The following STXBP5L variants were observed in gnomAD, a reference collection of about 807,000 sequenced individuals.
STXBP5L encodes syntaxin-binding protein 5-like.
A neutral mutation model predicts 144.5 loss-of-function variants in STXBP5L; 65 were observed. The ratio of observed to expected loss-of-function variants is 0.45; its 90% confidence interval spans 0.37 to 0.55. The LOEUF is 0.55. STXBP5L is among the 20% of genes least tolerant of loss of function. STXBP5L has a pLI of 0.00. For missense variants in STXBP5L, 1,298 were observed against 1,405.5 expected, an observed-to-expected ratio of 0.92 and a Z score of 1.22; for synonymous variants, 505 against 469.6, an observed-to-expected ratio of 1.08 and a Z score of -0.97.
At chr3:121,100,853 T>G (rs1013682046) in intron 5 of STXBP5L, among the ~76,000 whole-genome samples, 1 of 148,092 alleles carries the variant, frequency 6.8e-6, no homozygotes, top group Admixed American at 6.8e-5. Flanking sequence ...CTAGCTAGAT[T>G]AACAAAGAAA....
intron 9 of STXBP5L, among the ~76,000 whole-genome samples, chr3:121,182,778 G>A (rs1056672707): frequency 6.6e-6 from 1 of 152,072 alleles, no homozygotes; most frequent in Non-Finnish European, 1.5e-5. Context: ...ACAAGAGAGA[G>A]CATCCAAACA....
chr3:121,201,282 C>T (rs953170166), intron 9 of STXBP5L, among the ~76,000 whole-genome samples: 10 of 152,056 alleles, frequency 6.6e-5, no homozygotes, highest in African/African-American at 2.4e-4. Flanking sequence ...CCTTCTTTTC[C>T]TTTTTTGATC....
At chr3:121,004,185 T>G (rs1441817546) in intron 3 of STXBP5L, among the ~76,000 whole-genome samples, 2 of 152,232 alleles carry the variant, frequency 1.3e-5, no homozygotes, top group Non-Finnish European at 2.9e-5. Context: ...CCCATGATCA[T>G]GGAATGTTCT....
chr3:120,985,799 G>A (rs573413150), intron 3 of STXBP5L, among the ~76,000 whole-genome samples: 3 of 151,760 alleles, frequency 2.0e-5, no homozygotes, highest in East Asian at 1.9e-4. Flanking sequence ...AGTAATTTGA[G>A]TCTTCTCTTT....
chr3:120,975,263 C>A (rs146413940), intron 3 of STXBP5L, among the ~76,000 whole-genome samples: 1 of 152,050 alleles, frequency 6.6e-6, no homozygotes, highest in African/African-American at 2.4e-5. Flanking sequence ...CTTCACGTCC[C>A]TTGTAAGTTG....
chr3:121,103,306 T>A (rs1051231569), intron 5 of STXBP5L, among the ~76,000 whole-genome samples: 1 of 152,010 alleles, frequency 6.6e-6, no homozygotes, highest in Non-Finnish European at 1.5e-5. Flanking sequence ...CCCTTGACAG[T>A]GGATTGGAGG....
intron 2 of STXBP5L, among the ~76,000 whole-genome samples, chr3:120,922,126 G>A (rs76112072): frequency 0.01 from 1,580 of 151,730 alleles, 11 homozygotes; most frequent in Middle Eastern, 0.017. Context: ...TTGTGTCCTC[G>A]TCAATTCCTT....
chr3:121,407,112 C>T, intron 22 of STXBP5L, 131 bp from the exon 23 acceptor site: 1 of 1,151,460 alleles, frequency 8.7e-7, no homozygotes, highest in Non-Finnish European at 1.2e-6. Flanking sequence ...GCTCACAAAT[C>T]TACAAATTCA....
chr3:121,024,007 C>G (rs1377661895), intron 3 of STXBP5L, among the ~76,000 whole-genome samples: 1 of 152,090 alleles, frequency 6.6e-6, no homozygotes, highest in Non-Finnish European at 1.5e-5. Context: ...ATACGCCCGC[C>G]TTGGCCTCCC....
intron 10 of STXBP5L, among the ~76,000 whole-genome samples, chr3:121,213,990 G>C (rs1157668475): frequency 6.6e-6 from 1 of 152,102 alleles, no homozygotes; most frequent in African/African-American, 2.4e-5. Context: ...TAATTTATTT[G>C]CATAGAGGTG....
chr3:121,192,186 CAGAG>C (rs1026116809), intron 9 of STXBP5L, among the ~76,000 whole-genome samples: 2 of 152,098 alleles, frequency 1.3e-5, no homozygotes, highest in African/African-American at 4.8e-5. Flanking sequence ...CAATAACAGA[CAGAG>C]AGCCAAATTA....
At chr3:121,314,398 C>T (rs1231098799) in intron 19 of STXBP5L, among the ~76,000 whole-genome samples, 2 of 130,672 alleles carry the variant, frequency 1.5e-5, no homozygotes, top group African/African-American at 5.9e-5. Flanking sequence ...TGGAGACCAG[C>T]CCGGCCAACA....
chr3:121,099,146 G>A (rs544174868), intron 5 of STXBP5L: 3 of 152,244 alleles, frequency 2.0e-5, no homozygotes, highest in East Asian at 1.9e-4. Flanking sequence ...TCCTTACCAG[G>A]GAACCAATCT....
intron 3 of STXBP5L, among the ~76,000 whole-genome samples, chr3:121,016,416 A>C (rs547297076): frequency 5.5e-4 from 84 of 152,356 alleles, no homozygotes; most frequent in Middle Eastern, 3.4e-3. Context: ...TGGAAACTCT[A>C]AGATTCAAAA....
In STXBP5L at chr3:120,934,193, T is replaced by C. The variant is rs554434029; in HGVS notation, c.190-20747T>C. 3.3e-5 allele frequency among the ~76,000 whole-genome samples: 5 copies of C among 151,890 alleles called. No individual in the cohort carries two copies. The East Asian group carries it at 9.7e-4, about 29-fold the overall frequency. ...ATTAAGAATAATTTCTGGTGCTAAA[T>C]TGTCTTGAGGCATGTTAAGATTTCA... is the stretch of plus-strand genomic sequence containing the variant. On this transcript the variant is annotated intron_variant, in intron 2 of 26. Transcript: ENST00000471454.
At chr3:121,204,587 A>T (rs950274997) in intron 9 of STXBP5L, among the ~76,000 whole-genome samples, 1 of 152,166 alleles carries the variant, frequency 6.6e-6, no homozygotes, top group Non-Finnish European at 1.5e-5. Context: ...AGCTATATGC[A>T]TGTAAACTTC....
At position 121,157,585 on chromosome 3, in the gene STXBP5L, C is replaced by T; in HGVS notation, c.835C>T (p.Leu279=). 1 of 1,606,046 alleles carries T rather than the reference C, an allele frequency of 6.2e-7. No individual in the cohort carries two copies. The highest frequency in any genetic ancestry group is 2.3e-5 in the East Asian group (1 of 44,270). The part of the protein sequence containing the change: ...HSDGSLTLWN[L]KSPSRPFQTT... ...AGATGGTAGTTTGACTTTATGGAAC[C>T]TGAAAAGCCCAAGTCGCCCTTTCCA... Residue 279 remains leucine (L), a synonymous_variant, in exon 9 of 27, where the codon CTG becomes TTG. Transcript: ENST00000471454.
chr3:120,927,926 G>C (rs954891635), intron 2 of STXBP5L, among the ~76,000 whole-genome samples: 1 of 152,068 alleles, frequency 6.6e-6, no homozygotes, highest in Non-Finnish European at 1.5e-5. Flanking sequence ...GTTTTTTACA[G>C]TGCTCATATA....
intron 9 of STXBP5L, among the ~76,000 whole-genome samples, chr3:121,171,412 A>C (rs1329821366): frequency 6.6e-6 from 1 of 152,210 alleles, no homozygotes; most frequent in Non-Finnish European, 1.5e-5. Flanking sequence ...AGAGGAAGTC[A>C]TATTGTCTCT....
Sources: gnomAD v4.1 joint callset for allele counts (sites outside exome capture counted in the v4.1 genomes callset) on GRCh38, gnomAD v4.1.1 for gene constraint, MANE v1.5 for transcripts, NCBI Gene and HGNC (gene_info 2026-07-23, HGNC 2026-07-21) for gene names.